Variants in DCAF6 observed in about 807,000 individuals in gnomAD.
DCAF6 encodes DDB1 and CUL4 associated factor 6, also known as DDB1- and CUL4-associated factor 6.
Under a neutral mutation model 125.1 loss-of-function variants are expected in DCAF6, and 54 were observed. That is an observed-to-expected ratio of 0.43 (90% confidence interval 0.35 to 0.54). The LOEUF (loss-of-function observed/expected upper bound fraction) is 0.54. Ranked by LOEUF, DCAF6 falls within the 20% of genes least tolerant of loss-of-function variation. The pLI, the probability that DCAF6 is intolerant of heterozygous loss-of-function variation, is 0.01. For missense variants in DCAF6, 934 were observed against 1,161.7 expected, an observed-to-expected ratio of 0.80 and a Z score of 2.85; for synonymous variants, 371 against 390.4, an observed-to-expected ratio of 0.95 and a Z score of 0.58.
intron 21 of DCAF6, 53 bp from the exon 22 acceptor site, chr1:168,075,318 A>T: frequency 1.3e-6 from 2 of 1,497,282 alleles, no homozygotes. Context: ...AATATTAATA[A>T]TTGTAATTAC....
chr1:167,880,427 G>A, the DCAF6 span: 10 of 1,186,682 alleles, frequency 8.4e-6, no homozygotes, highest in South Asian at 1.1e-4. Flanking sequence ...TTCCCTGCAT[G>A]CCCTCCCTAC....
At chr1:167,979,515 T>C (rs1557922730) in intron 4 of DCAF6, among the ~76,000 whole-genome samples, 1 of 152,236 alleles carries the variant, frequency 6.6e-6, no homozygotes, top group East Asian at 1.9e-4. Flanking sequence ...CATGATCATA[T>C]TGTAGCATAT....
intron 4 of DCAF6, among the ~76,000 whole-genome samples, chr1:167,986,245 A>G (rs1023464559): frequency 6.6e-6 from 1 of 152,168 alleles, no homozygotes; most frequent in African/African-American, 2.4e-5. Context: ...TTATAGGAGA[A>G]GCATATGATC....
At chr1:167,932,039 C>T (rs892990106), upstream of DCAF6, among the ~76,000 whole-genome samples, 4 of 152,236 alleles carry the variant, frequency 2.6e-5, no homozygotes, top group East Asian at 7.7e-4. Context: ...CAACAAGTTT[C>T]ACAGAACTAT....
At chr1:167,866,315 C>T in the DCAF6 span, among the ~76,000 whole-genome samples, 1 of 152,004 alleles carries the variant, frequency 6.6e-6, no homozygotes, top group African/African-American at 2.4e-5. Context: ...CAATTGGAGT[C>T]CCACGAGGAA....
chr1:168,021,747 G>A, intron 11 of DCAF6, among the ~76,000 whole-genome samples: 1 of 152,092 alleles, frequency 6.6e-6, no homozygotes, highest in East Asian at 1.9e-4. Flanking sequence ...ACCACTAGCA[G>A]GATTCAGACT....
intron 18 of DCAF6, 44 bp from the exon 19 acceptor site, chr1:168,065,546 A>T: frequency 7.3e-7 from 1 of 1,362,268 alleles, no homozygotes; most frequent in Non-Finnish European, 1.0e-6. Flanking sequence ...CTTTGTTTTA[A>T]TAACTTTGAT....
Position 168,050,876 on chromosome 1 carries a change from G to A in DCAF6, c.2259-16G>A, listed in dbSNP as rs1336864269. 4 of 1,329,542 alleles carry A rather than the reference G, an allele frequency of 3.0e-6. No individual in the cohort carries two copies. Among genetic ancestry groups the A allele is most frequent in the Non-Finnish European group, 4.0e-6 (4 of 1,009,238 alleles). The allele number at this position is 1,329,542 out of a possible 1,614,324, so 82.4% of individuals were successfully genotyped here. A position where few individuals can be genotyped will look rare whatever the true frequency, so the allele number is the denominator to read the frequency against. On this transcript the variant is annotated splice_polypyrimidine_tract_variant and intron_variant, in intron 16 of 21. Coordinates refer to ENST00000367840, the MANE Select transcript of DCAF6 (RefSeq NM_001198956.2). The stretch of plus-strand genomic sequence containing the variant: ...GTCTTTGTAAGTGATTTCAGTTATT[G>A]TGTTCCCTTCACTAGATTTAATATC...
intron 12 of DCAF6, among the ~76,000 whole-genome samples, chr1:168,032,712 GTTTTA>G (rs766195564): frequency 2.2e-4 from 34 of 152,210 alleles, no homozygotes; most frequent in Non-Finnish European, 2.9e-4. Context: ...GGTAAACAGT[GTTTTA>G]TTTTCACATG....
the DCAF6 span, among the ~76,000 whole-genome samples, chr1:167,863,687 G>A: frequency 6.6e-6 from 1 of 152,366 alleles, no homozygotes; most frequent in South Asian, 2.1e-4. Flanking sequence ...ACCAGCCAGA[G>A]TGACGCGGAT....
intron 4 of DCAF6, among the ~76,000 whole-genome samples, chr1:167,985,194 T>TGTGTGTGTGTGTGTGTGTG (rs1176926849): frequency 3.3e-5 from 5 of 149,756 alleles, no homozygotes; most frequent in Non-Finnish European, 7.4e-5. Context: ...CGTGTGTGTG[T>TGTGTGTGTGTGTGTGTGTG]GTGTGTGTGT....
At chr1:167,874,402 G>A in the DCAF6 span, among the ~76,000 whole-genome samples, 1 of 152,054 alleles carries the variant, frequency 6.6e-6, no homozygotes, top group Non-Finnish European at 1.5e-5. Context: ...CCACATCAGG[G>A]AAATACAAAT....
Position 168,004,599 on chromosome 1 carries a change from G to A in DCAF6, c.1184G>A (p.Ser395Asn). The A allele has an allele frequency of 1.9e-6, 3 of 1,612,204 alleles. No individual in the cohort carries two copies. Among genetic ancestry groups the A allele is most frequent in the Non-Finnish European group, 2.5e-6 (3 of 1,179,002 alleles). The change falls in exon 10 of 22, where the codon AGT becomes AAT. Residue 395 changes from serine to asparagine, a missense_variant. Transcript: ENST00000367840. ...TVPSSPDLEVSETAMEVDTPA... is the reference protein window; with the variant it reads ...TVPSSPDLEVNETAMEVDTPA... Reference sequence around the variant, plus strand: ...CCATCAAGTCCTGATTTGGAAGTGAGTGAAACTGCAATGGAAGTAGATACT... The same window carrying A: ...CCATCAAGTCCTGATTTGGAAGTGAATGAAACTGCAATGGAAGTAGATACT...
the DCAF6 span, among the ~76,000 whole-genome samples, chr1:167,929,700 C>T: frequency 6.6e-6 from 1 of 152,132 alleles, no homozygotes; most frequent in Non-Finnish European, 1.5e-5. Context: ...GGCCACCTAT[C>T]GTATATATGA....
Position 168,066,479 on chromosome 1 carries a change from T to C in DCAF6, c.2685+14T>C. The C allele has an allele frequency of 1.3e-6, 2 of 1,517,076 alleles. No individual in the cohort carries two copies. Among genetic ancestry groups the C allele is most frequent in the South Asian group, 2.3e-5 (2 of 87,830 alleles). The allele number at this position is 1,517,076 out of a possible 1,614,324, so 94.0% of individuals were successfully genotyped here. The stretch of plus-strand genomic sequence containing the variant: ...CTTGCTGATGAAGTAAGATTTTTAT[T>C]GTACTTACTATAGACCATATTTCAA... On this transcript the variant is annotated intron_variant, in intron 20 of 21. Coordinates refer to ENST00000367840, the MANE Select transcript of DCAF6 (RefSeq NM_001198956.2).
intron 10 of DCAF6, among the ~76,000 whole-genome samples, chr1:168,008,417 C>T (rs1045471205): frequency 6.6e-6 from 1 of 152,018 alleles, no homozygotes; most frequent in African/African-American, 2.4e-5. Flanking sequence ...TCCTCAAGTC[C>T]CATGCCAGCT....
intron 2 of DCAF6, among the ~76,000 whole-genome samples, chr1:167,959,403 C>T (rs533485536): frequency 2.0e-5 from 3 of 152,276 alleles, no homozygotes; most frequent in Non-Finnish European, 2.9e-5. Flanking sequence ...TGTGGACATA[C>T]GTTTTCAGCT....
chr1:167,992,288 C>T (rs1031892867), intron 6 of DCAF6, among the ~76,000 whole-genome samples: 6 of 149,442 alleles, frequency 4.0e-5, no homozygotes, highest in Admixed American at 4.0e-4. Context: ...CACACAAACA[C>T]CGAATGCACA....
the DCAF6 span, chr1:167,905,065 A>G: frequency 6.2e-7 from 1 of 1,614,244 alleles, no homozygotes; most frequent in Non-Finnish European, 8.5e-7. Context: ...AAATGTCCAT[A>G]GACAATGAGG....
Sources: allele counts gnomAD v4.1 joint callset (sites outside exome capture counted in the v4.1 genomes callset), GRCh38; gene constraint gnomAD v4.1.1; transcripts MANE v1.5; gene names NCBI Gene and HGNC (gene_info 2026-07-23, HGNC 2026-07-21).